The following TNKS variants were observed in gnomAD, a reference collection of about 807,000 sequenced individuals.
The protein encoded by TNKS is tankyrase, also known as poly [ADP-ribose] polymerase tankyrase-1.
In TNKS, 72 loss-of-function variants were observed where a neutral mutation model predicts 135.8. The observed-to-expected ratio is 0.53, with a 90% CI of 0.44 to 0.64. TNKS has a LOEUF of 0.64. TNKS is among the 30% of genes least tolerant of loss of function. The pLI, the probability that TNKS is intolerant of heterozygous loss-of-function variation, is 0.00. For missense variants in TNKS, 1,769 were observed against 1,674.0 expected (o/e 1.06, Z -0.99); for synonymous variants, 849 against 649.3 (o/e 1.31, Z -4.68).
intron 12 of TNKS, among the ~76,000 whole-genome samples, chr8:9,721,446 T>G (rs997179817): frequency 3.3e-5 from 5 of 151,740 alleles, no homozygotes; most frequent in Non-Finnish European, 7.4e-5. Flanking sequence ...GTCTACCTAC[T>G]GACAAAATGA....
In TNKS at chr8:9,771,274, A is replaced by G. The variant is rs1466735010; in HGVS notation, c.3897+1012A>G. Among the ~76,000 whole-genome samples, 6 of 135,824 alleles carry G rather than the reference A, an allele frequency of 4.4e-5. No homozygotes were observed. In the East Asian group the frequency reaches 1.5e-3, roughly 33 times the overall value. The allele number at this position is 135,824 out of a possible 152,430, so 89.1% of individuals were successfully genotyped here. ...GGGAGGAAGGAAGTGAGGGAGGAAG[A>G]GAGAGCGAGGAAGGGAGGGAGGAGA... On this transcript the variant is annotated intron_variant, in intron 26 of 26. Transcript: ENST00000310430.
At chr8:9,763,062 AATTT>A in intron 21 of TNKS, 81 bp from the exon 22 acceptor site, 2 of 522,786 alleles carry the variant, frequency 3.8e-6, no homozygotes, top group Non-Finnish European at 5.9e-6. Flanking sequence ...ACTTATTATG[AATTT>A]TTTTTTTTTT....
At chr8:9,575,875 G>C in intron 1 of TNKS, among the ~76,000 whole-genome samples, 1 of 152,222 alleles carries the variant, frequency 6.6e-6, no homozygotes, top group East Asian at 1.9e-4. Context: ...TTGATAAGAA[G>C]TGTAGTGGTA....
At chr8:9,570,795 T>G (rs1585179845) in intron 1 of TNKS, among the ~76,000 whole-genome samples, 1 of 152,154 alleles carries the variant, frequency 6.6e-6, no homozygotes, top group East Asian at 1.9e-4. Context: ...ATGCTCAGGC[T>G]AAGTCATTGC....
At chr8:9,753,571 T>G (rs982856559) in intron 20 of TNKS, among the ~76,000 whole-genome samples, 28 of 152,214 alleles carry the variant, frequency 1.8e-4, no homozygotes, top group African/African-American at 6.3e-4. Context: ...ATTGTATGCT[T>G]TCATTATTAT....
At chr8:9,669,905 G>A (rs1212723728) in intron 3 of TNKS, among the ~76,000 whole-genome samples, 1 of 152,036 alleles carries the variant, frequency 6.6e-6, no homozygotes, top group East Asian at 1.9e-4. Context: ...TATCTAAAAG[G>A]CTATAAAAAG....
At chr8:9,611,456 A>T (rs538763021) in intron 2 of TNKS, among the ~76,000 whole-genome samples, 1 of 152,328 alleles carries the variant, frequency 6.6e-6, no homozygotes, top group South Asian at 2.1e-4. Flanking sequence ...GCAATGTGGT[A>T]CTTTTTCAGA....
intron 11 of TNKS, among the ~76,000 whole-genome samples, chr8:9,718,306 A>G (rs1016367980): frequency 1.3e-5 from 2 of 152,190 alleles, no homozygotes; most frequent in African/African-American, 4.8e-5. Context: ...ACACATGTTC[A>G]CAGTTAAAGG....
intron 2 of TNKS, among the ~76,000 whole-genome samples, chr8:9,607,034 C>G (rs574326751): frequency 7.5e-4 from 114 of 152,156 alleles, no homozygotes; most frequent in African/African-American, 2.5e-3. Flanking sequence ...GACAAGTTCT[C>G]AAATGTTTAG....
intron 17 of TNKS, among the ~76,000 whole-genome samples, chr8:9,743,732 T>C (rs972831208): frequency 5.9e-5 from 9 of 152,150 alleles, no homozygotes; most frequent in Non-Finnish European, 1.2e-4. Context: ...TACCAAAAAA[T>C]ACATATCCAT....
chr8:9,567,962 A>G (rs1403092063), intron 1 of TNKS, among the ~76,000 whole-genome samples: 1 of 152,206 alleles, frequency 6.6e-6, no homozygotes, highest in African/African-American at 2.4e-5. Context: ...GGGGGGTATC[A>G]TAGTGGACAT....
intron 16 of TNKS, 46 bp from the exon 17 acceptor site, chr8:9,735,331 T>C: frequency 6.5e-7 from 1 of 1,544,992 alleles, no homozygotes; most frequent in Non-Finnish European, 8.9e-7. Context: ...TGTATTTTTT[T>C]TCCTTTAAGC....
chr8:9,608,563 A>G (rs998482993), intron 2 of TNKS, among the ~76,000 whole-genome samples: 4 of 152,116 alleles, frequency 2.6e-5, no homozygotes, highest in African/African-American at 7.2e-5. Flanking sequence ...GCTATTGCCA[A>G]ATAAGCCTCA....
At chr8:9,595,448 T>G (rs936632930) in intron 2 of TNKS, among the ~76,000 whole-genome samples, 17 of 152,118 alleles carry the variant, frequency 1.1e-4, no homozygotes, top group African/African-American at 4.1e-4. Context: ...CTTGTCTGCT[T>G]GTGTTCCAAC....
rs1041472905 is a variant in TNKS at position 9,766,517 on chromosome 8, G to C, written c.3740+92G>C. 4.1e-5 allele frequency: 47 copies of C among 1,152,746 alleles called. No homozygotes were observed. In the African/African-American group the frequency reaches 6.1e-4, roughly 15 times the overall value. 71.4% of individuals were successfully genotyped at this position (1,152,746 alleles called of 1,614,324 possible). ...TTTTTTTTTTTTGAGATGAAGTCTTGCTCTTGTCACCCAGGCTGGAGTGCG... is the reference window on the plus strand; with the variant it reads ...TTTTTTTTTTTTGAGATGAAGTCTTCCTCTTGTCACCCAGGCTGGAGTGCG... On this transcript the variant is annotated intron_variant, in intron 25 of 26. Transcript: ENST00000310430.
chr8:9,559,074 C>T (rs1797215704), intron 1 of TNKS, among the ~76,000 whole-genome samples: 1 of 152,102 alleles, frequency 6.6e-6, no homozygotes, highest in Admixed American at 6.6e-5. Flanking sequence ...TTTTAGTGTG[C>T]TTAGATGATC....
chr8:9,597,361 A>G (rs1798827938), intron 2 of TNKS, among the ~76,000 whole-genome samples: 3 of 152,230 alleles, frequency 2.0e-5, no homozygotes, highest in African/African-American at 7.2e-5. Flanking sequence ...GTATTCTGAC[A>G]CAAAGCGGAC....
chr8:9,659,412 G>C (rs1252760117), intron 3 of TNKS, among the ~76,000 whole-genome samples: 1 of 152,118 alleles, frequency 6.6e-6, no homozygotes, highest in African/African-American at 2.4e-5. Context: ...AATCAAACTA[G>C]ATCTCAGGAT....
At chr8:9,706,393 T>A in intron 7 of TNKS, 140 bp downstream of exon 7, 2 of 657,730 alleles carry the variant, frequency 3.0e-6, no homozygotes, top group Non-Finnish European at 4.9e-6. Context: ...AGACAGGGTC[T>A]TGCCCTGTCA....
Sources: gnomAD v4.1 joint callset for allele counts (sites outside exome capture counted in the v4.1 genomes callset) on GRCh38, gnomAD v4.1.1 for gene constraint, MANE v1.5 for transcripts, NCBI Gene and HGNC (gene_info 2026-07-23, HGNC 2026-07-21) for gene names.